The following HDAC3 variants were observed in gnomAD, a reference collection of about 807,000 sequenced individuals.
HDAC3 encodes histone deacetylase 3, also known as SMAP45.
HDAC3 carries 21 observed loss-of-function variants against 62.3 expected under a neutral mutation model. That is an observed-to-expected ratio of 0.34 (90% CI 0.24 to 0.49). HDAC3 has a LOEUF of 0.49. Among genes scored for constraint, HDAC3 ranks in the 20% least tolerant of loss-of-function variants. HDAC3 has a pLI of 0.99. For synonymous variants in HDAC3, 198 were observed against 206.5 expected (o/e 0.96, Z 0.35); for missense variants, 270 against 556.9 (o/e 0.48, Z 5.19).
In HDAC3 at chr5:141,629,793, C is replaced by A; in HGVS notation, c.421-54G>T. On this transcript the variant is annotated intron_variant, in intron 5 of 14. Transcript: ENST00000305264. This position sits in a 1 kb window ranked among gnomAD's most constrained non-coding sequence, Gnocchi z 5.3. The stretch of plus-strand genomic sequence containing the variant: ...GAAGAGCAATTCCCCTCCCAGCTGC[C>A]CCCCACCATCATCCTAAACACCTAC... 1.2e-6 allele frequency: 2 copies of A among 1,611,354 alleles called. No homozygotes were observed. Among genetic ancestry groups the A allele is most frequent in the Non-Finnish European group, 1.7e-6 (2 of 1,177,546 alleles).
At chr5:141,633,643 T>C (rs943678110) in intron 3 of HDAC3, among the ~76,000 whole-genome samples, 1 of 151,798 alleles carries the variant, frequency 6.6e-6, no homozygotes, top group African/African-American at 2.4e-5. Flanking sequence ...CTGACCAACA[T>C]AGTGAAACCC....
chr5:141,625,623 T>C lies in HDAC3; in HGVS notation c.1059+62A>G. ...TGGTTTTTCCTACTTCCCACATCTT[T>C]GACCTCTCCTGGGCTCCACCTTTCA... On this transcript the variant is annotated intron_variant, in intron 13 of 14. Transcript: ENST00000305264. This position sits in a 1 kb window ranked among gnomAD's most constrained non-coding sequence, Gnocchi z 4.0. 1 of 1,503,580 alleles carries C rather than the reference T, an allele frequency of 6.7e-7. No individual in the cohort carries two copies. Among genetic ancestry groups the C allele is most frequent in the Non-Finnish European group, 9.3e-7 (1 of 1,079,404 alleles). 93.1% of individuals were successfully genotyped at this position (1,503,580 alleles called of 1,614,324 possible).
chr5:141,633,245 T>A (rs371198607), intron 3 of HDAC3, among the ~76,000 whole-genome samples: 6 of 152,170 alleles, frequency 3.9e-5, no homozygotes, highest in East Asian at 1.9e-4. Flanking sequence ...AAATTAAAAG[T>A]CTTAAGAGAC....
Position 141,629,743 on chromosome 5 carries a change from T to C in HDAC3, c.421-4A>G, listed in dbSNP as rs773998534. 8.3e-5 allele frequency: 134 copies of C among 1,614,008 alleles called. No individual in the cohort carries two copies. Among genetic ancestry groups the C allele is most frequent in the Non-Finnish European group, 1.1e-4 (126 of 1,180,004 alleles). ...TGACATAGCAGAAGCCAGAGGCCTA[T>C]GGCAAGACAGTGGTCTCATAAAGAG... On this transcript the variant is annotated splice_polypyrimidine_tract_variant and splice_region_variant and intron_variant, in intron 5 of 14. Transcript: ENST00000305264. This position sits in a 1 kb window ranked among gnomAD's most constrained non-coding sequence, Gnocchi z 5.3.
In HDAC3 at chr5:141,636,647, G is replaced by A. The variant is rs368309392; in HGVS notation, c.56-17C>T. 50 of 1,613,764 alleles carry A rather than the reference G, an allele frequency of 3.1e-5. No individual in the cohort carries two copies. Among genetic ancestry groups the A allele is most frequent in the African/African-American group, 1.5e-4 (11 of 74,900 alleles). ...GTCCAGCTCCTGGGGGTGGGGAGAA[G>A]AGAGTTCGTCAGCTCTCACCCCTGG... On this transcript the variant is annotated splice_polypyrimidine_tract_variant and intron_variant, in intron 1 of 14. Coordinates refer to ENST00000305264, the MANE Select transcript of HDAC3 (RefSeq NM_003883.4).
chr5:141,628,468 G>A lies in HDAC3; in HGVS notation c.691+91C>T, dbSNP rs1054422691. ...AGGCCATTCATCCTTAAGGACAACT[G>A]GCCCAACAGCAGACAATACCAGGCA... On this transcript the variant is annotated intron_variant, in intron 8 of 14. Coordinates refer to ENST00000305264, the MANE Select transcript of HDAC3 (RefSeq NM_003883.4). The surrounding 1 kb of genome is among the most constrained non-coding windows in gnomAD (Gnocchi z 4.7). 9.5e-7 allele frequency: 1 copy of A among 1,051,402 alleles called. No individual in the cohort carries two copies. The highest frequency in any genetic ancestry group is 2.0e-4 in the Middle Eastern group (1 of 4,994). The allele number at this position is 1,051,402 out of a possible 1,614,324, so 65.1% of individuals were successfully genotyped here.
chr5:141,628,096 A>G lies in HDAC3; in HGVS notation c.765+18T>C. The stretch of plus-strand genomic sequence containing the variant: ...AAGCCCAGGCAGAACACTCCTGAGG[A>G]GGAACTGACAGTATTACCTGGAGCA... On this transcript the variant is annotated intron_variant, in intron 9 of 14. Transcript: ENST00000305264. This position sits in a 1 kb window ranked among gnomAD's most constrained non-coding sequence, Gnocchi z 4.7. 1 of 1,612,072 alleles carries G rather than the reference A, an allele frequency of 6.2e-7. No homozygotes were observed. Among genetic ancestry groups the G allele is most frequent in the Non-Finnish European group, 8.5e-7 (1 of 1,178,130 alleles).
At chr5:141,635,209 A>AATCT in intron 2 of HDAC3, 2 of 391,958 alleles carry the variant, frequency 5.1e-6, no homozygotes, top group South Asian at 8.5e-5. Context: ...GCCCTGATCC[A>AATCT]CCTGCCCTGT....
chr5:141,625,966 G>T lies in HDAC3; in HGVS notation c.979+47C>A. 1.3e-6 allele frequency: 2 copies of T among 1,530,448 alleles called. No individual in the cohort carries two copies. The highest frequency in any genetic ancestry group is 1.8e-6 in the Non-Finnish European group (2 of 1,103,770). 94.8% of individuals were successfully genotyped at this position (1,530,448 alleles called of 1,614,324 possible). ...TCAAACCAGGTCATTCTGGAATCTG[G>T]TGAGAATGGCCTTCCTGTTATGGGG... On this transcript the variant is annotated intron_variant, in intron 12 of 14. Coordinates refer to ENST00000305264, the MANE Select transcript of HDAC3 (RefSeq NM_003883.4). This position sits in a 1 kb window ranked among gnomAD's most constrained non-coding sequence, Gnocchi z 4.0.
chr5:141,636,774 G>A lies in HDAC3; in HGVS notation c.17C>T (p.Ala6Val), dbSNP rs1562375669. The A allele has an allele frequency of 6.2e-7, 1 of 1,613,878 alleles. No homozygotes were observed. Among genetic ancestry groups the A allele is most frequent in the Non-Finnish European group, 8.5e-7 (1 of 1,179,812 alleles). The change falls in exon 1 of 15, where the codon GCC (alanine) becomes GTC (valine). Residue 6 changes from alanine to valine, a missense_variant. Around this residue, in one of 5 missense-constraint regions of HDAC3, gnomAD observed 22 missense variants for 21.3 expected, o/e 1.03. Coordinates refer to ENST00000305264, the MANE Select transcript of HDAC3 (RefSeq NM_003883.4). ...GCCCACGTCGGGGTCGTAGAAATAGGCCACGGTCTTGGCCATGGTGCCGGC... is the reference window on the plus strand; with the variant it reads ...GCCCACGTCGGGGTCGTAGAAATAGACCACGGTCTTGGCCATGGTGCCGGC... MAKTV[A>V]YFYDPDVGNF...
rs751706258 is a variant in HDAC3, at chr5:141,625,962, T to A, written c.979+51A>T. On this transcript the variant is annotated intron_variant, in intron 12 of 14. Transcript: ENST00000305264. This position sits in a 1 kb window ranked among gnomAD's most constrained non-coding sequence, Gnocchi z 4.0. ...GCCTTCAAACCAGGTCATTCTGGAA[T>A]CTGGTGAGAATGGCCTTCCTGTTAT... The A allele has an allele frequency of 2.0e-6, 3 of 1,508,482 alleles. No homozygotes were observed. Among genetic ancestry groups the A allele is most frequent in the East Asian group, 4.5e-5 (2 of 44,386 alleles). 93.4% of individuals were successfully genotyped at this position (1,508,482 alleles called of 1,614,324 possible).
intron 3 of HDAC3, among the ~76,000 whole-genome samples, chr5:141,632,927 G>A (rs1185986409): frequency 6.6e-6 from 1 of 152,148 alleles, no homozygotes; most frequent in African/African-American, 2.4e-5. Flanking sequence ...AGATCTTTCA[G>A]GAAAACAGAT....
Position 141,626,417 on chromosome 5 carries a change from A to G in HDAC3, c.831-134T>C. ...CTTTATCTTGATAGTGAAATTCATT[A>G]TGTTATACCCTTAAGATTTGGGTAT... On this transcript the variant is annotated intron_variant, in intron 10 of 14. Coordinates refer to ENST00000305264, the MANE Select transcript of HDAC3 (RefSeq NM_003883.4). The surrounding 1 kb of genome is among the most constrained non-coding windows in gnomAD (Gnocchi z 4.6). 1.4e-6 allele frequency: 1 copy of G among 703,302 alleles called. No homozygotes were observed. Among genetic ancestry groups the G allele is most frequent in the Admixed American group, 2.2e-5 (1 of 45,548 alleles). 43.6% of individuals were successfully genotyped at this position (703,302 alleles called of 1,614,324 possible).
At chr5:141,627,834 C>T (rs369906558) in intron 10 of HDAC3, 59 bp downstream of exon 10, 309 of 1,467,638 alleles carry the variant, frequency 2.1e-4, no homozygotes, top group Non-Finnish European at 2.5e-4. Context: ...CCCCCACCCA[C>T]GTACTGAAGT....
At position 141,625,895 on chromosome 5, in the gene HDAC3, G is replaced by A. The variant is rs1345634901; in HGVS notation, c.979+118C>T. On this transcript the variant is annotated intron_variant, in intron 12 of 14. Coordinates refer to ENST00000305264, the MANE Select transcript of HDAC3 (RefSeq NM_003883.4). This position sits in a 1 kb window ranked among gnomAD's most constrained non-coding sequence, Gnocchi z 4.0. Reference sequence around the variant, plus strand: ...ATCTCTTCCCTGCTCTGAGCCCAGGGGTTTAGTCTGCAGAGCTCTGAGAGT... The same window carrying A: ...ATCTCTTCCCTGCTCTGAGCCCAGGAGTTTAGTCTGCAGAGCTCTGAGAGT... 1.6e-6 allele frequency: 2 copies of A among 1,273,512 alleles called. No homozygotes were observed. Among genetic ancestry groups the A allele is most frequent in the Non-Finnish European group, 2.3e-6 (2 of 870,930 alleles). The allele number at this position is 1,273,512 out of a possible 1,614,324, so 78.9% of individuals were successfully genotyped here. A position where few individuals can be genotyped will look rare whatever the true frequency, so the allele number is the denominator to read the frequency against.
In HDAC3 at chr5:141,625,840, C is replaced by T; in HGVS notation, c.980-76G>A. On this transcript the variant is annotated intron_variant, in intron 12 of 14. Coordinates refer to ENST00000305264, the MANE Select transcript of HDAC3 (RefSeq NM_003883.4). This position sits in a 1 kb window ranked among gnomAD's most constrained non-coding sequence, Gnocchi z 4.0. ...AAGACTTCCCAATCTTTTTCCTTCC[C>T]ATCCAGAGCACCTACATAATAGCTG... is the stretch of plus-strand genomic sequence containing the variant. The T allele has an allele frequency of 1.4e-6, 2 of 1,431,648 alleles. No individual in the cohort carries two copies. Among genetic ancestry groups the T allele is most frequent in the Non-Finnish European group, 2.0e-6 (2 of 1,014,548 alleles). 88.7% of individuals were successfully genotyped at this position (1,431,648 alleles called of 1,614,324 possible). A position where few individuals can be genotyped will look rare whatever the true frequency, so the allele number is the denominator to read the frequency against.
Position 141,629,557 on chromosome 5 carries a change from G to C in HDAC3, c.476+127C>G, listed in dbSNP as rs1313163206. Reference sequence around the variant, plus strand: ...TCTGCAGCAGTGGAAGAGGCAGCCTGAATAAAGCATCAAGAACTTGGGAGA... The same window carrying C: ...TCTGCAGCAGTGGAAGAGGCAGCCTCAATAAAGCATCAAGAACTTGGGAGA... On this transcript the variant is annotated intron_variant, in intron 6 of 14. Transcript: ENST00000305264. This position sits in a 1 kb window ranked among gnomAD's most constrained non-coding sequence, Gnocchi z 5.3. 2 of 1,031,732 alleles carry C rather than the reference G, an allele frequency of 1.9e-6. No individual in the cohort carries two copies. The highest frequency in any genetic ancestry group is 1.6e-5 in the African/African-American group (1 of 63,220). The allele number at this position is 1,031,732 out of a possible 1,614,324, so 63.9% of individuals were successfully genotyped here. A position where few individuals can be genotyped will look rare whatever the true frequency, so the allele number is the denominator to read the frequency against.
rs2099904368 is a variant in HDAC3 at position 141,625,878 on chromosome 5, C to G, written c.980-114G>C. The G allele has an allele frequency of 7.7e-7, 1 of 1,302,150 alleles. No individual in the cohort carries two copies. The highest frequency in any genetic ancestry group is 1.7e-5 in the Admixed American group (1 of 58,462). 80.7% of individuals were successfully genotyped at this position (1,302,150 alleles called of 1,614,324 possible). On this transcript the variant is annotated intron_variant, in intron 12 of 14. Transcript: ENST00000305264. This position sits in a 1 kb window ranked among gnomAD's most constrained non-coding sequence, Gnocchi z 4.0. ...TACATAATAGCTGCCCAATCTCTTC[C>G]CTGCTCTGAGCCCAGGGGTTTAGTC...
At chr5:141,635,721 C>T (rs1186393973) in intron 2 of HDAC3, among the ~76,000 whole-genome samples, 5 of 152,254 alleles carry the variant, frequency 3.3e-5, no homozygotes, top group Admixed American at 2.0e-4. Flanking sequence ...CCTCTCGCCT[C>T]GGCCTCCCAA....
Sources: allele counts gnomAD v4.1 joint callset (sites outside exome capture counted in the v4.1 genomes callset), GRCh38; gene constraint gnomAD v4.1.1; regional missense constraint gnomAD v4.1.1; non-coding constraint Gnocchi (gnomAD v3.1); transcripts MANE v1.5; gene names NCBI Gene and HGNC (gene_info 2026-07-23, HGNC 2026-07-21).